Variants in TMEM9B observed in about 807,000 individuals in gnomAD.
TMEM9B encodes transmembrane protein 9B.
TMEM9B carries 8 observed loss-of-function variants against 23.5 expected under a neutral mutation model. The observed-to-expected ratio is 0.34, with a 90% CI of 0.20 to 0.61. The LOEUF (loss-of-function observed/expected upper bound fraction) is 0.61. Ranked by LOEUF, TMEM9B falls within the 20% of genes least tolerant of loss-of-function variation. The pLI is 0.78. For missense variants in TMEM9B, 197 were observed against 252.3 expected (o/e 0.78, Z 1.49); for synonymous variants, 106 against 96.3 (o/e 1.10, Z -0.59).
At chr11:8,952,716 AT>A (rs35347149) in intron 4 of TMEM9B, 49 of 189,366 alleles carry the variant, frequency 2.6e-4, no homozygotes, top group South Asian at 5.4e-4. Context: ...TGGCCCACAG[AT>A]TTTTTTTTAA....
intron 2 of TMEM9B, among the ~76,000 whole-genome samples, chr11:8,961,696 A>T (rs1854086055): frequency 6.6e-6 from 1 of 152,226 alleles, no homozygotes; most frequent in Admixed American, 6.5e-5. Flanking sequence ...ACTTGGCAAT[A>T]CATCATCAAA....
intron 3 of TMEM9B, among the ~76,000 whole-genome samples, chr11:8,955,489 C>A: frequency 2.0e-5 from 3 of 152,010 alleles, no homozygotes; most frequent in Non-Finnish European, 4.4e-5. Context: ...TGCAACTAGA[C>A]GGTCCCATAT....
intron 2 of TMEM9B, among the ~76,000 whole-genome samples, chr11:8,958,522 G>A (rs1294442942): frequency 6.6e-6 from 1 of 151,476 alleles, no homozygotes; most frequent in Non-Finnish European, 1.5e-5. Context: ...TCTAAACTGT[G>A]GCATTAGAAA....
At chr11:8,959,202 T>C (rs763759375) in intron 2 of TMEM9B, among the ~76,000 whole-genome samples, 1 of 152,196 alleles carries the variant, frequency 6.6e-6, no homozygotes, top group African/African-American at 2.4e-5. Context: ...CCCAGAGTTT[T>C]AGGAGGCCAA....
chr11:8,959,294 C>G lies in TMEM9B; in HGVS notation c.197+2798G>C, dbSNP rs879136648. Among the ~76,000 whole-genome samples the G allele has an allele frequency of 3.3e-5, 5 of 152,268 alleles. No individual in the cohort carries two copies. The East Asian group carries it at 9.6e-4, about 29-fold the overall frequency. ...CAGTGTCGACAAAAATAAAAATTAG[C>G]CAGGTTGATGGTACACACCTGTAGT... On this transcript the variant is annotated intron_variant, in intron 2 of 4. Coordinates refer to ENST00000534025, the MANE Select transcript of TMEM9B (RefSeq NM_020644.3).
At chr11:8,964,495 C>A, upstream of TMEM9B, 1 of 1,413,884 alleles carries the variant, frequency 7.1e-7, no homozygotes, top group Non-Finnish European at 9.2e-7. Flanking sequence ...AGCATCCGCC[C>A]CGGAACCGGT....
rs770968534 is a variant in TMEM9B, at chr11:8,960,246, G to A, written c.197+1846C>T. 1.9e-4 allele frequency among the ~76,000 whole-genome samples: 28 copies of A among 146,666 alleles called. No homozygotes were observed. The East Asian group carries it at 3.3e-3, about 17-fold the overall frequency. On this transcript the variant is annotated intron_variant, in intron 2 of 4. Transcript: ENST00000534025. The stretch of plus-strand genomic sequence containing the variant: ...CAACCTCTACCTCTGCGGCTCAAGC[G>A]ATTCTCTACCTTAGCCTTCCGAGTA...
intron 4 of TMEM9B, among the ~76,000 whole-genome samples, chr11:8,952,249 T>TACACAC (rs142506777): frequency 0.053 from 6,456 of 122,604 alleles, 187 homozygotes; most frequent in East Asian, 0.11. Context: ...GCCAACTATA[T>TACACAC]ACACACACAC....
chr11:8,958,715 G>A (rs1854019025), intron 2 of TMEM9B, among the ~76,000 whole-genome samples: 1 of 151,386 alleles, frequency 6.6e-6, no homozygotes, highest in Non-Finnish European at 1.5e-5. Context: ...GGGATTACAG[G>A]CATGCGCTAC....
In TMEM9B at chr11:8,964,219, T is replaced by A. The variant is rs572176855; in HGVS notation, c.95A>T (p.Asp32Val). Reference sequence around the variant, plus strand: ...CTGGGCGGGACTCACCTTGGCGGCGTCTGACAGCTGCGCCAGCAGCAGCAC... The same window carrying A: ...CTGGGCGGGACTCACCTTGGCGGCGACTGACAGCTGCGCCAGCAGCAGCAC... ...LSVLLLAQLS[D>V]AAKNFEDVRC... The change falls in exon 1 of 5, where the codon GAC (aspartate) becomes GTC (valine). Residue 32 changes from aspartate to valine, a missense_variant. Coordinates refer to ENST00000534025, the MANE Select transcript of TMEM9B (RefSeq NM_020644.3). 7.2e-5 allele frequency: 114 copies of A among 1,581,498 alleles called. No individual in the cohort carries two copies. The highest frequency in any genetic ancestry group is 9.1e-5 in the Non-Finnish European group (106 of 1,164,696).
intron 4 of TMEM9B, among the ~76,000 whole-genome samples, chr11:8,949,673 A>C (rs1050860473): frequency 6.6e-6 from 1 of 152,244 alleles, no homozygotes; most frequent in East Asian, 1.9e-4. Flanking sequence ...TCTTGTTTTT[A>C]TAGCAAGGCA....
Position 8,961,756 on chromosome 11 carries a change from T to C in TMEM9B, c.197+336A>G, listed in dbSNP as rs117003257. 9.9e-3 allele frequency among the ~76,000 whole-genome samples: 1,504 copies of C among 152,318 alleles called. 10 individuals are homozygous for C. Among genetic ancestry groups the C allele is most frequent in the Non-Finnish European group, 0.015 (1,023 of 68,032 alleles). On this transcript the variant is annotated intron_variant, in intron 2 of 4. Transcript: ENST00000534025. The stretch of plus-strand genomic sequence containing the variant: ...CCCAGACAAACGAGGCTTGCTAACC[T>C]TCCACTGAAAAGCAAGAGGGAGAAA...
At chr11:8,952,194 A>G (rs1589944354) in intron 4 of TMEM9B, among the ~76,000 whole-genome samples, 1 of 152,010 alleles carries the variant, frequency 6.6e-6, no homozygotes, top group African/African-American at 2.4e-5. Context: ...GAATAAACGA[A>G]TATTAAAACA....
chr11:8,955,845 A>C (rs1434259504), intron 3 of TMEM9B, among the ~76,000 whole-genome samples: 1 of 152,214 alleles, frequency 6.6e-6, no homozygotes, highest in East Asian at 1.9e-4. Flanking sequence ...TAATAGTTCT[A>C]GAATAATTAC....
chr11:8,961,256 T>C (rs1413702103), intron 2 of TMEM9B, among the ~76,000 whole-genome samples: 1 of 152,266 alleles, frequency 6.6e-6, no homozygotes, highest in Admixed American at 6.5e-5. Context: ...TTAATCTTGC[T>C]TTCTAACTCT....
chr11:8,962,229 C>A, intron 1 of TMEM9B, 46 bp from the exon 2 acceptor site: 1 of 1,286,826 alleles, frequency 7.8e-7, no homozygotes, highest in South Asian at 1.4e-5. Flanking sequence ...AGTTTATCAT[C>A]AATATTTTTA....
intron 4 of TMEM9B, 83 bp downstream of exon 4, chr11:8,953,120 T>C: frequency 6.5e-7 from 1 of 1,550,216 alleles, no homozygotes. Context: ...TGAACATCTA[T>C]ATATGACTAT....
chr11:8,950,039 ATAGC>A, intron 4 of TMEM9B, among the ~76,000 whole-genome samples: 1 of 152,110 alleles, frequency 6.6e-6, no homozygotes, highest in South Asian at 2.1e-4. Context: ...GCTGGGACCT[ATAGC>A]CTATTTTTAA....
chr11:8,964,296 T>A lies in TMEM9B; in HGVS notation c.18A>T (p.Gly6=). 6.3e-7 allele frequency: 1 copy of A among 1,586,860 alleles called. No individual in the cohort carries two copies. The highest frequency in any genetic ancestry group is 8.6e-7 in the Non-Finnish European group (1 of 1,167,262). Residue 6 remains glycine, a synonymous_variant, in exon 1 of 5, where the codon GGA becomes GGT. Coordinates refer to ENST00000534025, the MANE Select transcript of TMEM9B (RefSeq NM_020644.3). Reference sequence around the variant, plus strand: ...GCAAGGAGCCAAGCCGAAGAAGGCCTCCCCACAGGGTCGCCATCGCTGGGG... The same window carrying A: ...GCAAGGAGCCAAGCCGAAGAAGGCCACCCCACAGGGTCGCCATCGCTGGGG... MATLW[G]GLLRLGSLLS...
Sources: allele counts gnomAD v4.1 joint callset (sites outside exome capture counted in the v4.1 genomes callset), GRCh38; gene constraint gnomAD v4.1.1; transcripts MANE v1.5; gene names NCBI Gene and HGNC (gene_info 2026-07-23, HGNC 2026-07-21).